The following FREM2 variants were observed in gnomAD, a reference collection of about 807,000 sequenced individuals.
FREM2 encodes the protein FRAS1 related extracellular matrix 2, also known as FRAS1-related extracellular matrix protein 2.
Under a neutral mutation model 219.9 loss-of-function variants are expected in FREM2, and 119 were observed. The observed-to-expected ratio is 0.54, with a 90% confidence interval of 0.47 to 0.63. The LOEUF (loss-of-function observed/expected upper bound fraction) is 0.63, where lower values mean the gene tolerates loss of function less well. Among genes scored for constraint, FREM2 ranks in the 30% least tolerant of loss-of-function variants. FREM2 has a pLI of 0.00. For synonymous variants in FREM2, 1,562 were observed against 1,522.8 expected, an observed-to-expected ratio of 1.03 and a Z score of -0.60; for missense variants, 4,030 against 3,993.6, an observed-to-expected ratio of 1.01 and a Z score of -0.25.
intron 2 of FREM2, among the ~76,000 whole-genome samples, chr13:38,727,955 A>G (rs1190131202): frequency 1.3e-5 from 2 of 152,234 alleles, no homozygotes; most frequent in Non-Finnish European, 2.9e-5. Context: ...CAGTTACACT[A>G]CACTAACATT....
At chr13:38,784,480 T>A in intron 5 of FREM2, 77 bp from the exon 6 acceptor site, 2 of 1,522,828 alleles carry the variant, frequency 1.3e-6, no homozygotes, top group South Asian at 2.2e-5. Flanking sequence ...AAATGCTGTG[T>A]ATGAAAATAA....
Position 38,689,266 on chromosome 13 carries a change from C to T in FREM2, c.1922C>T (p.Thr641Ile). 1 of 1,614,070 alleles carries T rather than the reference C, an allele frequency of 6.2e-7. No individual in the cohort carries two copies. Residue 641 changes from threonine (T) to isoleucine (I), a missense_variant, in exon 1 of 24, where the codon ACA becomes ATA. By Grantham distance (89) the Thr-to-Ile change is moderately conservative (BLOSUM62 -1). Transcript: ENST00000280481. ...KEGAFYERTV[T>I]EWQQQDITEG... is the part of the protein sequence containing the mutation. ...GGGGCATTTTATGAGCGAACAGTGACAGAGTGGCAGCAGCAGGACATAACA... is the reference window on the plus strand; with the variant it reads ...GGGGCATTTTATGAGCGAACAGTGATAGAGTGGCAGCAGCAGGACATAACA...
intron 3 of FREM2, among the ~76,000 whole-genome samples, chr13:38,765,001 C>T (rs780610462): frequency 1.3e-5 from 2 of 152,172 alleles, no homozygotes; most frequent in African/African-American, 4.8e-5. Flanking sequence ...AGCTCCGCCT[C>T]CCAGGTTCAC....
chr13:38,783,167 G>A lies in FREM2; in HGVS notation c.5739G>A (p.Glu1913=), dbSNP rs1236160602. The change falls in exon 5 of 24, where the codon GAG becomes GAA. Residue 1913 remains glutamate, a synonymous_variant. Coordinates refer to ENST00000280481, the MANE Select transcript of FREM2 (RefSeq NM_207361.6). ...PIRRSGDVSQ[E]LMVVCYTQQG... is the part of the protein sequence containing the mutation. The stretch of plus-strand genomic sequence containing the variant: ...GGAGGAGCGGAGATGTGAGCCAGGA[G>A]TTGATGGTGGTCTGTTATACCCAAC... 1 of 1,613,978 alleles carries A rather than the reference G, an allele frequency of 6.2e-7. No homozygotes were observed. Among genetic ancestry groups the A allele is most frequent in the African/African-American group, 1.3e-5 (1 of 74,916 alleles).
chr13:38,810,887 T>C (rs142849232), intron 6 of FREM2, among the ~76,000 whole-genome samples: 2 of 152,180 alleles, frequency 1.3e-5, no homozygotes, highest in East Asian at 3.9e-4. Context: ...GGATTAGTAT[T>C]AGTTCTTCTG....
chr13:38,820,239 G>T (rs1032473213), intron 6 of FREM2, among the ~76,000 whole-genome samples: 1 of 152,056 alleles, frequency 6.6e-6, no homozygotes, highest in Non-Finnish European at 1.5e-5. Flanking sequence ...CTGAAAGATT[G>T]CATTTTGGCT....
chr13:38,740,828 G>A (rs539413340), intron 2 of FREM2, among the ~76,000 whole-genome samples: 2 of 152,262 alleles, frequency 1.3e-5, no homozygotes, highest in African/African-American at 4.8e-5. Flanking sequence ...CCTTTTATTA[G>A]TGGTTACTGT....
intron 6 of FREM2, among the ~76,000 whole-genome samples, chr13:38,810,293 A>G (rs1451289892): frequency 1.3e-5 from 2 of 151,986 alleles, no homozygotes; most frequent in Non-Finnish European, 2.9e-5. Context: ...TTTCTTTTCA[A>G]TTTAGATGAC....
At position 38,846,684 on chromosome 13, in the gene FREM2, C is replaced by T. The variant is rs1877169900; in HGVS notation, c.6131C>T (p.Thr2044Ile). The T allele has an allele frequency of 3.7e-6, 6 of 1,613,890 alleles. No individual in the cohort carries two copies. The East Asian group carries it at 1.3e-4, about 36-fold the overall frequency. The change falls in exon 7 of 24, where the codon ACA becomes ATA. Residue 2044 changes from threonine to isoleucine, a missense_variant. This residue lies in a region of FREM2 where 3,102 missense variants were observed against 2,950.7 expected (regional missense o/e 1.05). Coordinates refer to ENST00000280481, the MANE Select transcript of FREM2 (RefSeq NM_207361.6). ...GACCTGTCCAAGTCTTCTAGTGTCA[C>T]AGTGAGGTCTCGGAAAACAGATCCT... is the stretch of plus-strand genomic sequence containing the variant. ...GTDLSKSSSV[T>I]VRSRKTDPPS...
At chr13:38,732,421 C>T (rs949868137) in intron 2 of FREM2, among the ~76,000 whole-genome samples, 1 of 152,018 alleles carries the variant, frequency 6.6e-6, no homozygotes, top group Non-Finnish European at 1.5e-5. Context: ...TTTATTTTTA[C>T]TTAATAAACT....
At chr13:38,842,874 T>A (rs1057434511) in intron 6 of FREM2, among the ~76,000 whole-genome samples, 2 of 152,212 alleles carry the variant, frequency 1.3e-5, no homozygotes, top group African/African-American at 4.8e-5. Flanking sequence ...ATAAATGTGA[T>A]CCTATCTGTG....
intron 22 of FREM2, 51 bp downstream of exon 22, chr13:38,878,372 C>A (rs1566176391): frequency 1.5e-6 from 2 of 1,338,954 alleles, no homozygotes; most frequent in Non-Finnish European, 2.1e-6. Flanking sequence ...CAAAGTTCAG[C>A]CTCCTTGTCT....
intron 2 of FREM2, among the ~76,000 whole-genome samples, chr13:38,701,064 G>T (rs144250943): frequency 6.6e-6 from 1 of 152,042 alleles, no homozygotes; most frequent in Admixed American, 6.6e-5. Flanking sequence ...GTCAAGGGGG[G>T]TTGTTGTGCT....
intron 1 of FREM2, among the ~76,000 whole-genome samples, chr13:38,697,320 T>C (rs1489266263): frequency 1.3e-5 from 2 of 152,190 alleles, no homozygotes; most frequent in Non-Finnish European, 2.9e-5. Context: ...GCAAAGGATG[T>C]GATTTCAAGA....
At chr13:38,860,127 G>A (rs1476396157) in intron 14 of FREM2, among the ~76,000 whole-genome samples, 1 of 152,132 alleles carries the variant, frequency 6.6e-6, no homozygotes, top group Non-Finnish European at 1.5e-5. Flanking sequence ...AAGGCAAAAT[G>A]GTATGCAAGG....
chr13:38,874,967 G>T (rs1414377685), intron 18 of FREM2, among the ~76,000 whole-genome samples: 1 of 152,100 alleles, frequency 6.6e-6, no homozygotes, highest in Non-Finnish European at 1.5e-5. Context: ...ACAGCTTTTT[G>T]CTAGGTACTG....
chr13:38,695,039 CTG>C (rs1490172021), intron 1 of FREM2, among the ~76,000 whole-genome samples: 1 of 152,090 alleles, frequency 6.6e-6, no homozygotes, highest in East Asian at 1.9e-4. Context: ...TGTAGATAAA[CTG>C]AAATAAATTT....
At chr13:38,723,651 C>G (rs1456961763) in intron 2 of FREM2, among the ~76,000 whole-genome samples, 1 of 152,198 alleles carries the variant, frequency 6.6e-6, no homozygotes, top group African/African-American at 2.4e-5. Context: ...CCTTCTCAAC[C>G]TCCATGCGAG....
At chr13:38,744,082 C>T (rs1244575385) in intron 2 of FREM2, among the ~76,000 whole-genome samples, 2 of 150,838 alleles carry the variant, frequency 1.3e-5, no homozygotes. Flanking sequence ...TGAATAAACA[C>T]AAAGATATTT....
Sources: allele counts gnomAD v4.1 joint callset (sites outside exome capture counted in the v4.1 genomes callset), GRCh38; gene constraint gnomAD v4.1.1; regional missense constraint gnomAD v4.1.1; transcripts MANE v1.5; gene names NCBI Gene and HGNC (gene_info 2026-07-23, HGNC 2026-07-21).